Variants in ARHGAP10 observed in about 807,000 individuals in gnomAD.
ARHGAP10 encodes the protein rho GTPase-activating protein 10.
Under a neutral mutation model 108.6 loss-of-function variants are expected in ARHGAP10, and 87 were observed. That is an observed-to-expected ratio of 0.80 (90% confidence interval 0.67 to 0.96). ARHGAP10 has a LOEUF of 0.96. Ranked by LOEUF, ARHGAP10 falls within the 40% of genes least tolerant of loss-of-function variation. The pLI is 0.00. For missense variants in ARHGAP10, 939 were observed against 954.5 expected (o/e 0.98, Z 0.21); for synonymous variants, 347 against 341.1 (o/e 1.02, Z -0.19).
At chr4:147,912,177 T>G in intron 12 of ARHGAP10, among the ~76,000 whole-genome samples, 1 of 152,258 alleles carries the variant, frequency 6.6e-6, no homozygotes. Flanking sequence ...ATTTTAAAAT[T>G]ATTTTACATT....
At chr4:147,818,242 C>T (rs2126780843) in intron 1 of ARHGAP10, among the ~76,000 whole-genome samples, 1 of 150,650 alleles carries the variant, frequency 6.6e-6, no homozygotes, top group East Asian at 1.9e-4. Flanking sequence ...ATTTGTAAGT[C>T]AATTAGCGTA....
At chr4:147,829,439 T>C (rs967429371) in intron 3 of ARHGAP10, among the ~76,000 whole-genome samples, 1 of 151,940 alleles carries the variant, frequency 6.6e-6, no homozygotes, top group African/African-American at 2.4e-5. Flanking sequence ...TCCACCCGCC[T>C]CGATCTCTGA....
At chr4:147,917,103 C>T (rs952447177) in intron 13 of ARHGAP10, 3 of 152,186 alleles carry the variant, frequency 2.0e-5, no homozygotes, top group African/African-American at 7.2e-5. Flanking sequence ...AGATCGCATG[C>T]ACTTGGAACA....
intron 18 of ARHGAP10, among the ~76,000 whole-genome samples, chr4:147,974,391 G>A (rs531997818): frequency 6.6e-6 from 1 of 151,744 alleles, no homozygotes; most frequent in Admixed American, 6.6e-5. Context: ...ACTTCCTAAG[G>A]GCCCTTGAAG....
intron 15 of ARHGAP10, among the ~76,000 whole-genome samples, chr4:147,954,045 T>C (rs1009571382): frequency 6.6e-6 from 1 of 152,060 alleles, no homozygotes; most frequent in Non-Finnish European, 1.5e-5. Context: ...CAGTTTTTGT[T>C]GTAATCAAAA....
chr4:148,071,367 G>T (rs1730167847), intron 22 of ARHGAP10, among the ~76,000 whole-genome samples: 1 of 152,230 alleles, frequency 6.6e-6, no homozygotes, highest in Non-Finnish European at 1.5e-5. Context: ...TGTAATCCCA[G>T]CACTCTGGGG....
rs35679243 is a variant in ARHGAP10, at chr4:147,767,367, CTT to C, written c.154+34924_154+34925del. 9.7e-3 allele frequency among the ~76,000 whole-genome samples: 1,436 copies of C among 147,578 alleles called. 14 individuals are homozygous for C. The highest frequency in any genetic ancestry group is 0.031 in the South Asian group (147 of 4,698). ...AATATGTGTGGGCTGCAGAATTTAT[CTT>C]TTTTTTTTTTTAATCCACATGGCAA... On this transcript the variant is annotated intron_variant, in intron 1 of 22. Transcript: ENST00000336498.
At chr4:147,914,359 T>C (rs1723158399) in intron 13 of ARHGAP10, among the ~76,000 whole-genome samples, 1 of 152,088 alleles carries the variant, frequency 6.6e-6, no homozygotes, top group African/African-American at 2.4e-5. Context: ...CATTTTTATT[T>C]TTATTTTTAT....
chr4:147,873,377 T>C (rs1734918054), intron 7 of ARHGAP10, among the ~76,000 whole-genome samples: 1 of 152,112 alleles, frequency 6.6e-6, no homozygotes, highest in Non-Finnish European at 1.5e-5. Flanking sequence ...TGTTCACACC[T>C]GTGATAGCAT....
At chr4:148,004,529 A>G (rs6811259) in intron 18 of ARHGAP10, among the ~76,000 whole-genome samples, 21,361 of 152,146 alleles carry the variant, frequency 0.14, 2,374 homozygotes, top group African/African-American at 0.31. Context: ...GTCTTAGACC[A>G]GAGAGAGAAA....
At chr4:147,791,802 C>G (rs893566445) in intron 1 of ARHGAP10, among the ~76,000 whole-genome samples, 1 of 152,114 alleles carries the variant, frequency 6.6e-6, no homozygotes, top group African/African-American at 2.4e-5. Flanking sequence ...CCAGGCTCGT[C>G]TCGAACTCCT....
intron 3 of ARHGAP10, among the ~76,000 whole-genome samples, chr4:147,832,578 C>T (rs1333025927): frequency 3.1e-5 from 4 of 129,118 alleles, no homozygotes; most frequent in East Asian, 2.4e-4. Context: ...ACCTGGAAGG[C>T]GGAGGTTACA....
At chr4:147,957,705 A>G (rs182598890) in intron 16 of ARHGAP10, among the ~76,000 whole-genome samples, 2 of 152,240 alleles carry the variant, frequency 1.3e-5, no homozygotes, top group Admixed American at 1.3e-4. Flanking sequence ...CCCTGCTGAG[A>G]GTTCTCAAGG....
At chr4:147,821,721 TA>T (rs1732503493) in intron 1 of ARHGAP10, among the ~76,000 whole-genome samples, 1 of 152,182 alleles carries the variant, frequency 6.6e-6, no homozygotes, top group Admixed American at 6.5e-5. Context: ...TTTATTACCA[TA>T]ATATGACTCA....
chr4:147,814,292 T>C (rs74333812), intron 1 of ARHGAP10, among the ~76,000 whole-genome samples: 1 of 132,210 alleles, frequency 7.6e-6, no homozygotes, highest in African/African-American at 3.5e-5. Flanking sequence ...AGGATGCATC[T>C]TTTTTTTTTT....
chr4:147,847,153 A>AT lies in ARHGAP10; in HGVS notation c.317dup (p.Leu106PhefsTer5), dbSNP rs1202930538. ...TTGTTATCACTCTTGTTCTCTAGGCATTAAGTGTAACTGAAACCCTGATTA... is the reference window on the plus strand; with the variant it reads ...TTGTTATCACTCTTGTTCTCTAGGCATTTAAGTGTAACTGAAACCCTGATTA... On this transcript the variant is annotated frameshift_variant, in exon 4 of 23. Transcript: ENST00000336498. LOFTEE classifies it high-confidence loss of function. The AT allele has an allele frequency of 6.2e-7, 1 of 1,612,206 alleles. No homozygotes were observed. The highest frequency in any genetic ancestry group is 1.1e-5 in the South Asian group (1 of 91,000).
chr4:148,010,621 G>T (rs1741133745), intron 18 of ARHGAP10, among the ~76,000 whole-genome samples: 1 of 152,032 alleles, frequency 6.6e-6, no homozygotes, highest in African/African-American at 2.4e-5. Flanking sequence ...CTAAATATTT[G>T]AATATGTGTC....
At chr4:147,876,534 A>T (rs1735066599) in intron 8 of ARHGAP10, among the ~76,000 whole-genome samples, 1 of 152,132 alleles carries the variant, frequency 6.6e-6, no homozygotes. Context: ...CGGAGCTTGC[A>T]GTGAGCCAAG....
At chr4:147,750,601 CTTTT>C (rs773142482) in intron 1 of ARHGAP10, among the ~76,000 whole-genome samples, 1 of 142,894 alleles carries the variant, frequency 7.0e-6, no homozygotes, top group Non-Finnish European at 1.5e-5. Context: ...TATAAAATAT[CTTTT>C]TTTTTTTTTG....
Sources: gnomAD v4.1 joint callset for allele counts (sites outside exome capture counted in the v4.1 genomes callset) on GRCh38, gnomAD v4.1.1 for gene constraint, MANE v1.5 for transcripts, NCBI Gene and HGNC (gene_info 2026-07-23, HGNC 2026-07-21) for gene names.